The following SCML2 variants were observed in gnomAD, a reference collection of about 807,000 sequenced individuals.
SCML2 encodes sex comb on midleg-like protein 2.
A neutral mutation model predicts 48.4 loss-of-function variants in SCML2; 6 were observed. The observed-to-expected ratio is 0.12, with a 90% CI of 0.07 to 0.24. The LOEUF (loss-of-function observed/expected upper bound fraction) is 0.24. SCML2 is among the 10% of genes least tolerant of loss of function. The pLI is 1.00. For missense variants in SCML2, 377 were observed against 528.2 expected, an observed-to-expected ratio of 0.71 and a Z score of 2.81; for synonymous variants, 181 against 189.5, an observed-to-expected ratio of 0.95 and a Z score of 0.37.
At chrX:18,272,920 A>G (rs780864932) in intron 7 of SCML2, among the ~76,000 whole-genome samples, 1 of 111,769 alleles carries the variant, frequency 8.9e-6, no homozygotes, top group East Asian at 2.8e-4. Context: ...GTCCATGTTC[A>G]CTATTATTAC....
intron 7 of SCML2, among the ~76,000 whole-genome samples, chrX:18,297,991 A>G (rs1451168911): frequency 9.0e-6 from 1 of 111,160 alleles, no homozygotes; most frequent in East Asian, 2.8e-4. Flanking sequence ...CCTGGGTGAC[A>G]GAGCAAGAAC....
At chrX:18,250,665 G>A (rs1486709015) in intron 11 of SCML2, among the ~76,000 whole-genome samples, 2 of 110,545 alleles carry the variant, frequency 1.8e-5, no homozygotes, top group African/African-American at 6.6e-5. Flanking sequence ...TTACAGGTGT[G>A]AGCCACTGTA....
chrX:18,330,527 GTTAATT>G (rs1183578011), intron 3 of SCML2, 54 bp downstream of exon 3: 2 of 701,533 alleles, frequency 2.9e-6, no homozygotes, highest in Non-Finnish European at 4.2e-6. Context: ...TGCACTTAAA[GTTAATT>G]TTAACACTAG....
chrX:18,253,217 C>CT (rs1446479716), intron 11 of SCML2, among the ~76,000 whole-genome samples: 1 of 111,746 alleles, frequency 8.9e-6, no homozygotes, highest in African/African-American at 3.3e-5. Context: ...AGGAGATAGA[C>CT]TGAGTCTTAC....
At chrX:18,326,657 G>T (rs1311886836) in intron 3 of SCML2, among the ~76,000 whole-genome samples, 1 of 97,802 alleles carries the variant, frequency 1.0e-5, no homozygotes, top group Non-Finnish European at 2.0e-5. Flanking sequence ...TCCAGCCTGG[G>T]CAACAGAACA....
chrX:18,303,153 T>C (rs764986470), intron 7 of SCML2, among the ~76,000 whole-genome samples: 2 of 111,213 alleles, frequency 1.8e-5, no homozygotes, highest in South Asian at 7.7e-4. Context: ...GGAAAGGACA[T>C]GCTCATCTCT....
intron 8 of SCML2, among the ~76,000 whole-genome samples, chrX:18,264,546 T>C (rs1927194243): frequency 9.1e-6 from 1 of 110,092 alleles, no homozygotes; most frequent in African/African-American, 3.3e-5. Context: ...AGTTCTAATA[T>C]CTGGGTTATA....
intron 6 of SCML2, among the ~76,000 whole-genome samples, chrX:18,310,196 G>A (rs1448414372): frequency 2.7e-5 from 3 of 109,641 alleles, no homozygotes; most frequent in South Asian, 7.8e-4. Context: ...TCTCTTTTAC[G>A]GTGAGACAAA....
intron 7 of SCML2, among the ~76,000 whole-genome samples, chrX:18,297,311 C>T (rs1285961442): frequency 1.8e-5 from 2 of 112,341 alleles, no homozygotes; most frequent in East Asian, 5.5e-4. Flanking sequence ...CCTCTAAGAA[C>T]TGCAACAAGT....
Position 18,241,215 on chromosome X carries a change from C to G in SCML2, c.*36G>C, listed in dbSNP as rs756690275. On this transcript the variant is annotated 3_prime_UTR_variant, in exon 15 of 15. Coordinates refer to ENST00000251900, the MANE Select transcript of SCML2 (RefSeq NM_006089.3). ...TTAAATTAAAATGTTAACAGTACAC[C>G]TGAGAATTATGTCCAATCTAAACTT... The G allele has an allele frequency of 3.5e-6, 4 of 1,137,043 alleles. No homozygotes were observed. Among genetic ancestry groups the G allele is most frequent in the Non-Finnish European group, 4.7e-6 (4 of 844,719 alleles). The allele number at this position is 1,137,043 out of a possible 1,213,427, so 93.7% of individuals were successfully genotyped here.
intron 1 of SCML2, among the ~76,000 whole-genome samples, chrX:18,340,122 T>C (rs1380860296): frequency 8.9e-6 from 1 of 112,320 alleles, no homozygotes; most frequent in Non-Finnish European, 1.9e-5. Context: ...TAAATGCCAG[T>C]TCATACCAAA....
At position 18,241,506 on chromosome X, in the gene SCML2, G is replaced by T. The variant is rs1396358724; in HGVS notation, c.1975-127C>A. The T allele has an allele frequency of 1.0e-5, 4 of 391,627 alleles. No homozygotes were observed. The Admixed American group carries it at 2.2e-4, about 21-fold the overall frequency. The allele number at this position is 391,627 out of a possible 1,213,427, so 32.3% of individuals were successfully genotyped here. On this transcript the variant is annotated intron_variant, in intron 14 of 14. Coordinates refer to ENST00000251900, the MANE Select transcript of SCML2 (RefSeq NM_006089.3). ...ATTCTCTGAATATGCTTTATTTCCT[G>T]AAAACTATTAAAAATATAATTTATA... is the stretch of plus-strand genomic sequence containing the variant.
chrX:18,273,331 C>A (rs1240498005), intron 7 of SCML2, among the ~76,000 whole-genome samples: 1 of 111,408 alleles, frequency 9.0e-6, no homozygotes, highest in Admixed American at 9.6e-5. Flanking sequence ...TGCCTGCATA[C>A]TCTCTCTCCC....
At chrX:18,259,845 C>T (rs1926994948) in intron 9 of SCML2, among the ~76,000 whole-genome samples, 1 of 110,984 alleles carries the variant, frequency 9.0e-6, no homozygotes, top group Admixed American at 9.6e-5. Flanking sequence ...AAATACATAC[C>T]ATACAAAAAG....
In SCML2 at chrX:18,328,673, A is replaced by G. The variant is rs1314637888; in HGVS notation, c.91+1914T>C. 3.6e-5 allele frequency among the ~76,000 whole-genome samples: 4 copies of G among 111,902 alleles called. No homozygotes were observed. In the East Asian group the frequency reaches 8.5e-4, roughly 24 times the overall value. The stretch of plus-strand genomic sequence containing the variant: ...CATGACAGAGTAAAACCTTGTCTCA[A>G]TCAGTCAGTCAATAAAAGAGGGCAG... On this transcript the variant is annotated intron_variant, in intron 3 of 14. Coordinates refer to ENST00000251900, the MANE Select transcript of SCML2 (RefSeq NM_006089.3).
chrX:18,249,064 T>A (rs1292817296), intron 11 of SCML2, among the ~76,000 whole-genome samples: 4 of 111,899 alleles, frequency 3.6e-5, no homozygotes, highest in Non-Finnish European at 1.9e-5. Flanking sequence ...AAGTATTTTT[T>A]AAATCATCAG....
In SCML2 at chrX:18,240,473, AAAT is replaced by A. The variant is rs1926223760; in HGVS notation, c.*775_*777del. ...CGTAGTGAAAATATGGAAAGTTTTA[AAAT>A]AATAGGAATTTCACTGAAAAAATTT... is the stretch of plus-strand genomic sequence containing the variant. On this transcript the variant is annotated 3_prime_UTR_variant, in exon 15 of 15. Coordinates refer to ENST00000251900, the MANE Select transcript of SCML2 (RefSeq NM_006089.3). The A allele has an allele frequency of 8.9e-6, 1 of 111,917 alleles. No individual in the cohort carries two copies. The highest frequency in any genetic ancestry group is 3.7e-4 in the South Asian group (1 of 2,691). The allele number at this position is 111,917 out of a possible 1,213,427, so 9.2% of individuals were successfully genotyped here. A position where few individuals can be genotyped will look rare whatever the true frequency, so the allele number is the denominator to read the frequency against.
intron 7 of SCML2, among the ~76,000 whole-genome samples, chrX:18,290,793 A>T (rs1031753894): frequency 2.7e-5 from 3 of 111,618 alleles, no homozygotes; most frequent in Non-Finnish European, 3.8e-5. Context: ...AAGAGATTTT[A>T]AAAAAATTTT....
At chrX:18,354,800 G>T, upstream of SCML2, 1 of 143,734 alleles carries the variant, frequency 7.0e-6, no homozygotes, top group African/African-American at 3.1e-5. Context: ...GCCGCGTGCG[G>T]GGCCCGAGCC....
Sources: gnomAD v4.1 joint callset for allele counts (sites outside exome capture counted in the v4.1 genomes callset) on GRCh38, gnomAD v4.1.1 for gene constraint, MANE v1.5 for transcripts, NCBI Gene and HGNC (gene_info 2026-07-23, HGNC 2026-07-21) for gene names.